The following TTC27 variants were observed in gnomAD, a reference collection of about 807,000 sequenced individuals.
TTC27 encodes the protein tetratricopeptide repeat domain 27, also known as tetratricopeptide repeat protein 27.
In TTC27, 79 loss-of-function variants were observed where a neutral mutation model predicts 115.9. The ratio of observed to expected loss-of-function variants is 0.68; its 90% CI spans 0.57 to 0.82. The LOEUF (loss-of-function observed/expected upper bound fraction) is 0.82, where lower values mean the gene tolerates loss of function less well. Ranked by LOEUF, TTC27 falls within the 40% of genes least tolerant of loss-of-function variation. TTC27 has a pLI of 0.00. For synonymous variants in TTC27, 401 were observed against 356.0 expected, an observed-to-expected ratio of 1.13 and a Z score of -1.42; for missense variants, 1,054 against 993.1, an observed-to-expected ratio of 1.06 and a Z score of -0.82.
chr2:32,723,104 G>A (rs76730477), intron 10 of TTC27, among the ~76,000 whole-genome samples: 1 of 152,168 alleles, frequency 6.6e-6, no homozygotes, highest in Non-Finnish European at 1.5e-5. Flanking sequence ...ATAAAGGAAT[G>A]TATTAATGGG....
intron 10 of TTC27, among the ~76,000 whole-genome samples, chr2:32,729,859 C>T (rs933307631): frequency 1.3e-5 from 2 of 152,004 alleles, no homozygotes; most frequent in African/African-American, 4.8e-5. Context: ...CCTTAAAGAC[C>T]ACCTCCTCAT....
chr2:32,711,568 T>G (rs993197584), intron 10 of TTC27, among the ~76,000 whole-genome samples: 1 of 152,184 alleles, frequency 6.6e-6, no homozygotes, highest in African/African-American at 2.4e-5. Context: ...CAGTGTTGTG[T>G]TTTTTTAATT....
At chr2:32,786,856 A>G in intron 15 of TTC27, 128 bp from the exon 16 acceptor site, 1 of 832,676 alleles carries the variant, frequency 1.2e-6, no homozygotes, top group Non-Finnish European at 1.8e-6. Context: ...CTGGGTCTCT[A>G]ATTCTGTTTG....
chr2:32,806,393 A>G (rs925030559), intron 16 of TTC27, among the ~76,000 whole-genome samples: 1 of 152,194 alleles, frequency 6.6e-6, no homozygotes, highest in Non-Finnish European at 1.5e-5. Context: ...AAGAAAGGTT[A>G]TATATATGTT....
chr2:32,672,251 T>G, intron 7 of TTC27, 21 bp from the exon 8 acceptor site: 1 of 1,579,876 alleles, frequency 6.3e-7, no homozygotes, highest in Non-Finnish European at 8.7e-7. Context: ...GGTCTAAGTA[T>G]TTTCTTTTGT....
intron 9 of TTC27, among the ~76,000 whole-genome samples, chr2:32,682,220 C>G (rs1317946315): frequency 6.6e-6 from 1 of 152,008 alleles, no homozygotes; most frequent in African/African-American, 2.4e-5. Context: ...TATTCAAGAG[C>G]TGTGTCACTT....
At chr2:32,800,637 A>G (rs1572626510) in intron 16 of TTC27, among the ~76,000 whole-genome samples, 2 of 152,180 alleles carry the variant, frequency 1.3e-5, no homozygotes, top group South Asian at 2.1e-4. Flanking sequence ...AGCCAGGATT[A>G]CAGGCATGCG....
rs1334163654 is a variant in TTC27 at position 32,682,914 on chromosome 2, C to T, written c.1119+3992C>T. 8.7e-5 allele frequency among the ~76,000 whole-genome samples: 11 copies of T among 125,732 alleles called. No individual in the cohort carries two copies. In the East Asian group the frequency reaches 1.3e-3, roughly 15 times the overall value. The allele number at this position is 125,732 out of a possible 152,430, so 82.5% of individuals were successfully genotyped here. A position where few individuals can be genotyped will look rare whatever the true frequency, so the allele number is the denominator to read the frequency against. ...GTCACCCCAGACTGAAGTGCAGTGG[C>T]GCGATCTCGGCTCACTGCAAGCTCC... On this transcript the variant is annotated intron_variant, in intron 9 of 19. Transcript: ENST00000317907.
intron 14 of TTC27, among the ~76,000 whole-genome samples, chr2:32,778,380 T>G (rs138018620): frequency 4.5e-4 from 69 of 152,304 alleles, no homozygotes; most frequent in African/African-American, 1.3e-3. Flanking sequence ...ATATATACAA[T>G]TCAATGATTT....
At chr2:32,642,892 T>G (rs1473911142) in intron 4 of TTC27, among the ~76,000 whole-genome samples, 1 of 152,160 alleles carries the variant, frequency 6.6e-6, no homozygotes. Flanking sequence ...GGTCTTGAAC[T>G]TGTGGGCTCA....
intron 10 of TTC27, among the ~76,000 whole-genome samples, chr2:32,731,249 C>T (rs557696307): frequency 2.8e-4 from 42 of 152,036 alleles, no homozygotes; most frequent in African/African-American, 8.2e-4. Context: ...CCACCATGCC[C>T]GGCTAATTTT....
At chr2:32,756,936 C>G (rs1234819043) in intron 12 of TTC27, among the ~76,000 whole-genome samples, 2 of 152,144 alleles carry the variant, frequency 1.3e-5, no homozygotes, top group East Asian at 3.9e-4. Flanking sequence ...AACAAGTACA[C>G]AATTAGCCTG....
intron 12 of TTC27, among the ~76,000 whole-genome samples, chr2:32,750,999 C>T (rs1196331474): frequency 6.6e-6 from 1 of 152,104 alleles, no homozygotes; most frequent in Non-Finnish European, 1.5e-5. Context: ...CCATGTGGTT[C>T]TGAGGCAAGA....
At chr2:32,686,499 ACAGG>A (rs139045950) in intron 9 of TTC27, among the ~76,000 whole-genome samples, 44,750 of 151,666 alleles carry the variant, frequency 0.3, 7,141 homozygotes, top group East Asian at 0.36. Context: ...AGCTGGGACT[ACAGG>A]CGTGAACCAC....
chr2:32,820,983 T>C lies in TTC27; in HGVS notation c.*45T>C, dbSNP rs967206516. ...TGGAAAAGGTGCTTTCACCTGCTGG[T>C]AAAAGATACATCTGTATATCTGAAA... On this transcript the variant is annotated 3_prime_UTR_variant, in exon 20 of 20. Coordinates refer to ENST00000317907, the MANE Select transcript of TTC27 (RefSeq NM_017735.5). 2.1e-6 allele frequency: 3 copies of C among 1,433,230 alleles called. No individual in the cohort carries two copies. Among genetic ancestry groups the C allele is most frequent in the Admixed American group, 2.4e-5 (1 of 42,252 alleles). The allele number at this position is 1,433,230 out of a possible 1,614,324, so 88.8% of individuals were successfully genotyped here. A position where few individuals can be genotyped will look rare whatever the true frequency, so the allele number is the denominator to read the frequency against.
intron 12 of TTC27, 46 bp from the exon 13 acceptor site, chr2:32,758,246 G>T: frequency 6.6e-7 from 1 of 1,520,590 alleles, no homozygotes; most frequent in Admixed American, 1.9e-5. Flanking sequence ...AAAAAAAATA[G>T]CAGTTAATCA....
intron 16 of TTC27, among the ~76,000 whole-genome samples, chr2:32,796,883 A>G (rs1055566371): frequency 6.6e-6 from 1 of 151,930 alleles, no homozygotes; most frequent in African/African-American, 2.4e-5. Flanking sequence ...TTTAAGAGAC[A>G]GTGTCTCGGC....
intron 16 of TTC27, among the ~76,000 whole-genome samples, chr2:32,796,427 A>T (rs1294595556): frequency 6.6e-6 from 1 of 152,184 alleles, no homozygotes; most frequent in Non-Finnish European, 1.5e-5. Flanking sequence ...AATAAAGAGG[A>T]TACTCAAATT....
intron 13 of TTC27, among the ~76,000 whole-genome samples, chr2:32,762,965 A>G (rs1452446299): frequency 1.3e-5 from 2 of 152,178 alleles, no homozygotes; most frequent in South Asian, 2.1e-4. Context: ...TAGCCATGGC[A>G]ATTCTCAGTG....
Sources: allele counts gnomAD v4.1 joint callset (sites outside exome capture counted in the v4.1 genomes callset), GRCh38; gene constraint gnomAD v4.1.1; transcripts MANE v1.5; gene names NCBI Gene and HGNC (gene_info 2026-07-23, HGNC 2026-07-21).